ADAMTSL1: variants seen among roughly 807,000 people sequenced by gnomAD.
ADAMTSL1 encodes ADAMTS-like protein 1.
In ADAMTSL1, 126 loss-of-function variants were observed where a neutral mutation model predicts 201.8. The ratio of observed to expected loss-of-function variants is 0.62; its 90% confidence interval spans 0.54 to 0.72. The LOEUF (loss-of-function observed/expected upper bound fraction) is 0.72. Ranked by LOEUF, ADAMTSL1 falls within the 30% of genes least tolerant of loss-of-function variation. The probability of loss-of-function intolerance (pLI) is 0.00; values close to 1 mark genes in which losing one functional copy is unlikely to be tolerated. For synonymous variants in ADAMTSL1, 1,121 were observed against 903.4 expected (o/e 1.24, Z -4.32); for missense variants, 2,679 against 2,277.8 (o/e 1.18, Z -3.59).
At chr9:18,603,325 A>G (rs1445695132) in intron 4 of ADAMTSL1, among the ~76,000 whole-genome samples, 1 of 152,110 alleles carries the variant, frequency 6.6e-6, no homozygotes, top group Non-Finnish European at 1.5e-5. Flanking sequence ...ATTTAGATCC[A>G]TCTGTCTCCA....
chr9:17,939,439 A>C (rs962536554), intron 1 of ADAMTSL1, among the ~76,000 whole-genome samples: 3 of 151,968 alleles, frequency 2.0e-5, no homozygotes, highest in Non-Finnish European at 4.4e-5. Context: ...TCAATGTCTA[A>C]AATACTGACA....
Position 18,605,674 on chromosome 9 carries a change from C to T in ADAMTSL1, c.475-16569C>T, listed in dbSNP as rs576370119. Among the ~76,000 whole-genome samples, 8 of 152,316 alleles carry T rather than the reference C, an allele frequency of 5.3e-5. 1 individual carries two copies. Among genetic ancestry groups the T allele is most frequent in the Middle Eastern group, 3.4e-3 (1 of 294 alleles). On this transcript the variant is annotated intron_variant, in intron 4 of 28. Coordinates refer to ENST00000380548, the MANE Select transcript of ADAMTSL1 (RefSeq NM_001040272.6). Reference sequence around the variant, plus strand: ...ATTTTGTAACTGCATCACCCCGGTACTATAATCTTGAACACTTTTGGTGCT... The same window carrying T: ...ATTTTGTAACTGCATCACCCCGGTATTATAATCTTGAACACTTTTGGTGCT...
At chr9:18,653,773 C>G (rs1026579298) in intron 7 of ADAMTSL1, among the ~76,000 whole-genome samples, 4 of 152,172 alleles carry the variant, frequency 2.6e-5, no homozygotes, top group African/African-American at 9.7e-5. Context: ...CATTTTTAAT[C>G]TGCTAATGCC....
chr9:18,643,803 C>T (rs1461907979), intron 7 of ADAMTSL1, among the ~76,000 whole-genome samples: 1 of 151,922 alleles, frequency 6.6e-6, no homozygotes, highest in Non-Finnish European at 1.5e-5. Context: ...ATTTTGAAAT[C>T]AGGTCGTATG....
intron 23 of ADAMTSL1, among the ~76,000 whole-genome samples, chr9:18,830,429 A>C (rs1196603125): frequency 6.6e-6 from 1 of 152,214 alleles, no homozygotes; most frequent in African/African-American, 2.4e-5. Context: ...CAAAAGGAAG[A>C]CTATACTATT....
At chr9:18,622,117 C>T in intron 4 of ADAMTSL1, 126 bp from the exon 5 acceptor site, 1 of 1,241,160 alleles carries the variant, frequency 8.1e-7, no homozygotes, top group Non-Finnish European at 1.1e-6. Context: ...AATTCAGTCC[C>T]CTTCACGGGG....
At chr9:18,091,827 G>C (rs926147207) in intron 1 of ADAMTSL1, among the ~76,000 whole-genome samples, 5 of 151,992 alleles carry the variant, frequency 3.3e-5, no homozygotes, top group Admixed American at 2.0e-4. Context: ...CGCCTAAAAT[G>C]ATGAATAAGA....
intron 2 of ADAMTSL1, among the ~76,000 whole-genome samples, chr9:18,189,986 A>G (rs79605304): frequency 0.014 from 2,077 of 152,304 alleles, 68 homozygotes; most frequent in African/African-American, 0.048. Context: ...AGTTTGCCCA[A>G]TTAAAGGTTG....
At chr9:17,920,497 T>C (rs1341352347) in intron 1 of ADAMTSL1, among the ~76,000 whole-genome samples, 1 of 152,228 alleles carries the variant, frequency 6.6e-6, no homozygotes, top group Non-Finnish European at 1.5e-5. Flanking sequence ...TTATTTTGCA[T>C]GACATAGACT....
rs369170559 is a variant in ADAMTSL1, at chr9:18,320,117, C to A, written c.207+156136C>A. Among the ~76,000 whole-genome samples, 89 of 152,208 alleles carry A rather than the reference C, an allele frequency of 5.8e-4. 2 individuals are homozygous for A. The South Asian group carries it at 0.017, about 29-fold the overall frequency. ...GAAAATGCAAGGGACTGATTTTTGC[C>A]AAGAGTCTGGATGAACAAGAAAACA... On this transcript the variant is annotated intron_variant, in intron 2 of 29. Transcript: ENST00000680146.
intron 26 of ADAMTSL1, among the ~76,000 whole-genome samples, chr9:18,893,906 G>A (rs930326807): frequency 6.6e-6 from 1 of 152,154 alleles, no homozygotes; most frequent in South Asian, 2.1e-4. Flanking sequence ...CAACAATCTG[G>A]CTTCATGTAA....
intron 15 of ADAMTSL1, among the ~76,000 whole-genome samples, chr9:18,726,681 C>T (rs777886375): frequency 5.3e-5 from 8 of 151,886 alleles, no homozygotes; most frequent in Non-Finnish European, 1.0e-4. Context: ...ATTTGGTAAA[C>T]GTATGTGGAG....
chr9:18,620,875 A>G (rs1825995598), intron 4 of ADAMTSL1, among the ~76,000 whole-genome samples: 1 of 152,232 alleles, frequency 6.6e-6, no homozygotes, highest in Admixed American at 6.5e-5. Context: ...TTTGCTATTA[A>G]TGAAAAAACA....
At chr9:18,108,771 G>A (rs936910527) in intron 1 of ADAMTSL1, among the ~76,000 whole-genome samples, 1 of 151,918 alleles carries the variant, frequency 6.6e-6, no homozygotes, top group Non-Finnish European at 1.5e-5. Flanking sequence ...GAGAGAATTA[G>A]CTCTTTTTTT....
At chr9:18,800,954 G>A (rs1344478180) in intron 20 of ADAMTSL1, among the ~76,000 whole-genome samples, 1 of 150,918 alleles carries the variant, frequency 6.6e-6, no homozygotes, top group African/African-American at 2.4e-5. Flanking sequence ...GTAGTAATCT[G>A]AGCAACCTGA....
rs113071803 is a variant in ADAMTSL1, at chr9:18,825,305, G to C, written c.3935-979G>C. On this transcript the variant is annotated intron_variant, in intron 21 of 28. Coordinates refer to ENST00000380548, the MANE Select transcript of ADAMTSL1 (RefSeq NM_001040272.6). ...TAGAGCACAGAGCCTGGCTTCCAAA[G>C]AGAGAGCCCATCCCAGGTCAGCAGA... Among the ~76,000 whole-genome samples the C allele has an allele frequency of 1.9e-3, 290 of 152,282 alleles. 3 individuals are homozygous for C. The highest frequency in any genetic ancestry group is 6.8e-3 in the African/African-American group (282 of 41,562).
chr9:18,449,653 G>T (rs1316050840), intron 2 of ADAMTSL1, among the ~76,000 whole-genome samples: 2 of 152,078 alleles, frequency 1.3e-5, no homozygotes, highest in Non-Finnish European at 2.9e-5. Context: ...CTTGTGTCTA[G>T]AATATGTAAA....
intron 2 of ADAMTSL1, among the ~76,000 whole-genome samples, chr9:18,245,877 A>C (rs765254929): frequency 6.6e-6 from 1 of 152,158 alleles, no homozygotes; most frequent in East Asian, 1.9e-4. Context: ...TTTGCAATCA[A>C]TTAGCCGCCA....
intron 2 of ADAMTSL1, among the ~76,000 whole-genome samples, chr9:18,309,666 G>C (rs577202321): frequency 6.6e-6 from 1 of 152,068 alleles, no homozygotes; most frequent in African/African-American, 2.4e-5. Flanking sequence ...AAAAACCACT[G>C]CTCAACAAAA....
Sources: gnomAD v4.1 joint callset for allele counts (sites outside exome capture counted in the v4.1 genomes callset) on GRCh38, gnomAD v4.1.1 for gene constraint, MANE v1.5 for transcripts, NCBI Gene and HGNC (gene_info 2026-07-23, HGNC 2026-07-21) for gene names.